NEGR1: variants seen among roughly 807,000 people sequenced by gnomAD.
NEGR1 encodes the protein IgLON family member 4.
In NEGR1, 10 loss-of-function variants were observed where a neutral mutation model predicts 40.9. The observed-to-expected ratio is 0.24, with a 90% confidence interval of 0.15 to 0.42. The LOEUF (loss-of-function observed/expected upper bound fraction) is 0.42, where lower values mean the gene tolerates loss of function less well. Among genes scored for constraint, NEGR1 ranks in the 10% least tolerant of loss-of-function variants. The pLI is 1.00. For missense variants in NEGR1, 352 were observed against 438.9 expected (o/e 0.80, Z 1.77); for synonymous variants, 185 against 166.8 (o/e 1.11, Z -0.84).
At chr1:71,786,944 C>G (rs1570345677) in intron 2 of NEGR1, among the ~76,000 whole-genome samples, 1 of 152,208 alleles carries the variant, frequency 6.6e-6, no homozygotes, top group Admixed American at 6.5e-5. Context: ...ACTGTGGTGT[C>G]ACCACCTCGG....
intron 3 of NEGR1, among the ~76,000 whole-genome samples, chr1:71,709,422 G>A (rs952941872): frequency 3.3e-5 from 5 of 152,136 alleles, no homozygotes; most frequent in Non-Finnish European, 7.4e-5. Flanking sequence ...CTTTGTTCAT[G>A]TTTGTCGGCC....
intron 1 of NEGR1, among the ~76,000 whole-genome samples, chr1:72,161,676 C>CTTTTTTTTTTTTTTTTTT (rs779074685): frequency 9.5e-5 from 8 of 84,560 alleles, no homozygotes; most frequent in East Asian, 3.7e-4. Flanking sequence ...TTCTTTCTTT[C>CTTTTTTTTTTTTTTTTTT]TTTTTTTTTT....
intron 1 of NEGR1, among the ~76,000 whole-genome samples, chr1:72,159,683 T>C (rs1179617078): frequency 1.3e-5 from 2 of 152,170 alleles, no homozygotes; most frequent in African/African-American, 2.4e-5. Context: ...TGATACCATA[T>C]ATTTTATTTG....
At chr1:71,800,811 C>A (rs1657529035) in intron 2 of NEGR1, among the ~76,000 whole-genome samples, 1 of 152,138 alleles carries the variant, frequency 6.6e-6, no homozygotes, top group African/African-American at 2.4e-5. Context: ...TTAATTAGAT[C>A]ATTCCCATAG....
chr1:71,920,165 C>CT (rs1295653062), intron 2 of NEGR1, among the ~76,000 whole-genome samples: 1 of 152,178 alleles, frequency 6.6e-6, no homozygotes, highest in Non-Finnish European at 1.5e-5. Context: ...TTGAGTATCT[C>CT]TTTGTCAGTA....
At chr1:71,446,692 A>G (rs997770939) in intron 6 of NEGR1, among the ~76,000 whole-genome samples, 2 of 152,194 alleles carry the variant, frequency 1.3e-5, no homozygotes, top group Non-Finnish European at 2.9e-5. Context: ...TTTCCGATGT[A>G]CATTTTAAAT....
chr1:71,632,043 T>A (rs1348619329), intron 4 of NEGR1, among the ~76,000 whole-genome samples: 2 of 151,626 alleles, frequency 1.3e-5, no homozygotes, highest in Admixed American at 1.3e-4. Context: ...GTAAATGAGG[T>A]AATTTATATA....
At chr1:71,592,763 T>C (rs1649544093) in intron 6 of NEGR1, 54 bp downstream of exon 6, 7 of 1,437,314 alleles carry the variant, frequency 4.9e-6, no homozygotes, top group Middle Eastern at 1.8e-4. Context: ...TCTCTACAGA[T>C]GGATAGGGGC....
intron 4 of NEGR1, among the ~76,000 whole-genome samples, chr1:71,654,983 A>G (rs1007970784): frequency 1.3e-5 from 2 of 152,152 alleles, no homozygotes; most frequent in Admixed American, 1.3e-4. Context: ...CATCAGAGCC[A>G]ATGTATATAC....
At chr1:71,994,996 G>GAA (rs34098239) in intron 1 of NEGR1, among the ~76,000 whole-genome samples, 1,682 of 111,444 alleles carry the variant, frequency 0.015, 52 homozygotes, top group African/African-American at 0.041. Context: ...AAATTTACAG[G>GAA]AAAAAAAAAA....
At chr1:72,163,119 G>T (rs1324112500) in intron 1 of NEGR1, among the ~76,000 whole-genome samples, 1 of 152,084 alleles carries the variant, frequency 6.6e-6, no homozygotes, top group African/African-American at 2.4e-5. Context: ...TAAAGATCTT[G>T]TGAGATTCAC....
chr1:71,801,220 C>T (rs1171211766), intron 2 of NEGR1, among the ~76,000 whole-genome samples: 2 of 152,202 alleles, frequency 1.3e-5, no homozygotes, highest in East Asian at 3.9e-4. Flanking sequence ...CCAGTCAGCT[C>T]TGATGGTTTT....
chr1:72,229,298 T>C (rs1654282971), intron 1 of NEGR1, among the ~76,000 whole-genome samples: 1 of 150,580 alleles, frequency 6.6e-6, no homozygotes, highest in African/African-American at 2.4e-5. Context: ...TACAGTAATG[T>C]AATTACACAC....
At position 71,942,481 on chromosome 1, in the gene NEGR1, ATATTTTTTTTTTTTTTTTTT is replaced by A. The variant is rs1380654506; in HGVS notation, c.177-7190_177-7171del. On this transcript the variant is annotated intron_variant, in intron 1 of 6. Transcript: ENST00000357731. Reference sequence around the variant, plus strand: ...TATATATATATATATATATATATATATATTTTTTTTTTTTTTTTTTTTTTTTTTTTTTTTTTTTGAGACGG... The same window carrying A: ...TATATATATATATATATATATATATATTTTTTTTTTTTTTTTTTGAGACGG... Among the ~76,000 whole-genome samples the A allele has an allele frequency of 4.9e-3, 83 of 16,890 alleles. 2 individuals are homozygous for A. The highest frequency in any genetic ancestry group is 0.017 in the African/African-American group (78 of 4,598). The allele number at this position is 16,890 out of a possible 152,430, so 11.1% of individuals were successfully genotyped here. A position where few individuals can be genotyped will look rare whatever the true frequency, so the allele number is the denominator to read the frequency against.
intron 2 of NEGR1, among the ~76,000 whole-genome samples, chr1:71,808,506 G>C (rs1657862708): frequency 6.6e-6 from 1 of 152,120 alleles, no homozygotes; most frequent in African/African-American, 2.4e-5. Context: ...TAGGGAGCCT[G>C]TCAGTCACAC....
chr1:71,732,164 T>G (rs1290913658), intron 3 of NEGR1, among the ~76,000 whole-genome samples: 1 of 151,982 alleles, frequency 6.6e-6, no homozygotes, highest in African/African-American at 2.4e-5. Flanking sequence ...AGAAATTAGC[T>G]GGACATGGTG....
intron 1 of NEGR1, among the ~76,000 whole-genome samples, chr1:72,236,998 G>C (rs1276774906): frequency 1.3e-5 from 2 of 151,724 alleles, no homozygotes; most frequent in Admixed American, 1.3e-4. Flanking sequence ...ATACATTCTT[G>C]AGTTTAATTA....
chr1:71,875,188 A>T (rs1660390217), intron 2 of NEGR1, among the ~76,000 whole-genome samples: 1 of 152,158 alleles, frequency 6.6e-6, no homozygotes. Context: ...ATTACATCAC[A>T]AATGCAAATA....
intron 1 of NEGR1, among the ~76,000 whole-genome samples, chr1:72,081,426 A>C (rs1647992361): frequency 6.6e-6 from 1 of 152,158 alleles, no homozygotes; most frequent in Non-Finnish European, 1.5e-5. Flanking sequence ...AAGAAGCTTC[A>C]TAAGTTATAT....
Sources: gnomAD v4.1 joint callset for allele counts (sites outside exome capture counted in the v4.1 genomes callset) on GRCh38, gnomAD v4.1.1 for gene constraint, MANE v1.5 for transcripts, NCBI Gene and HGNC (gene_info 2026-07-23, HGNC 2026-07-21) for gene names.